The following ANO4 variants were observed in gnomAD, a reference collection of about 807,000 sequenced individuals.
ANO4 encodes anoctamin 4.
ANO4 carries 69 observed loss-of-function variants against 141.9 expected under a neutral mutation model. The observed-to-expected ratio is 0.49, with a 90% CI of 0.40 to 0.59. The LOEUF (loss-of-function observed/expected upper bound fraction) is 0.59, where lower values mean the gene tolerates loss of function less well. Among genes scored for constraint, ANO4 ranks in the 20% least tolerant of loss-of-function variants. The probability of loss-of-function intolerance (pLI) is 0.00; values close to 1 mark genes in which losing one functional copy is unlikely to be tolerated. For synonymous variants in ANO4, 350 were observed against 394.3 expected (o/e 0.89, Z 1.33); for missense variants, 894 against 1,162.2 (o/e 0.77, Z 3.36).
intron 2 of ANO4, among the ~76,000 whole-genome samples, chr12:100,903,750 C>T (rs2040706307): frequency 1.3e-5 from 2 of 152,162 alleles, no homozygotes; most frequent in African/African-American, 4.8e-5. Context: ...TAAGGCTTTT[C>T]AACTGACCTA....
In ANO4 at chr12:101,094,326, AC is replaced by A. The variant is rs1317083701; in HGVS notation, c.1738+35del. 2.6e-6 allele frequency: 4 copies of A among 1,567,488 alleles called. No homozygotes were observed. In the African/African-American group the frequency reaches 5.4e-5, roughly 21 times the overall value. The stretch of plus-strand genomic sequence containing the variant: ...AATCCTTTCTATTTCATAGAACTGT[AC>A]TGTGGGCTAGAGAGTATGGTTCAAA... On this transcript the variant is annotated intron_variant, in intron 18 of 27. Coordinates refer to ENST00000392977, the MANE Select transcript of ANO4 (RefSeq NM_001286615.2).
At chr12:100,880,707 G>A (rs2039523552) in intron 1 of ANO4, among the ~76,000 whole-genome samples, 1 of 152,172 alleles carries the variant, frequency 6.6e-6, no homozygotes, top group African/African-American at 2.4e-5. Flanking sequence ...AGGAGGGCAA[G>A]TTAAGGTCAC....
chr12:101,120,716 G>A, intron 26 of ANO4, 91 bp downstream of exon 26: 2 of 984,572 alleles, frequency 2.0e-6, no homozygotes, highest in Non-Finnish European at 3.2e-6. Context: ...GATTTTGAAT[G>A]TGATTATCTA....
At chr12:101,040,656 C>A (rs531110377) in intron 11 of ANO4, among the ~76,000 whole-genome samples, 1 of 152,070 alleles carries the variant, frequency 6.6e-6, no homozygotes, top group African/African-American at 2.4e-5. Flanking sequence ...GCAGAACATG[C>A]AGTTTTGTTA....
intron 14 of ANO4, among the ~76,000 whole-genome samples, chr12:101,074,109 G>T (rs2048932599): frequency 6.6e-6 from 1 of 152,124 alleles, no homozygotes; most frequent in Non-Finnish European, 1.5e-5. Context: ...GTGACCAGGT[G>T]ACTTCATCTC....
At position 100,884,789 on chromosome 12, in the gene ANO4, C is replaced by A. The variant is rs1003437356; in HGVS notation, c.-140-16857C>A. The stretch of plus-strand genomic sequence containing the variant: ...AGCTCACTGTAATCTCTGCCTCCCG[C>A]ATTCAAGCGATTCTCCCGCCTCAGC... On this transcript the variant is annotated intron_variant, in intron 1 of 27. Transcript: ENST00000392977. Among the ~76,000 whole-genome samples the A allele has an allele frequency of 2.6e-5, 4 of 152,160 alleles. No individual in the cohort carries two copies. In the East Asian group the frequency reaches 7.7e-4, roughly 29 times the overall value.
intron 8 of ANO4, among the ~76,000 whole-genome samples, chr12:101,008,716 G>T (rs1317651982): frequency 4.6e-5 from 7 of 151,888 alleles, no homozygotes; most frequent in African/African-American, 1.7e-4. Context: ...CTTACATTCT[G>T]CCAGTTATTT....
At chr12:100,927,981 T>C (rs888901917) in intron 3 of ANO4, among the ~76,000 whole-genome samples, 2 of 152,150 alleles carry the variant, frequency 1.3e-5, no homozygotes, top group African/African-American at 2.4e-5. Flanking sequence ...CACGTGTGTC[T>C]ACATAATCAT....
intron 1 of ANO4, among the ~76,000 whole-genome samples, chr12:100,723,362 G>T (rs1377202667): frequency 6.6e-6 from 1 of 152,128 alleles, no homozygotes; most frequent in East Asian, 1.9e-4. Context: ...TTAATGTATG[G>T]TGAGGGCCTG....
At chr12:100,743,519 G>A (rs1463612438) in intron 3 of ANO4, among the ~76,000 whole-genome samples, 1 of 151,816 alleles carries the variant, frequency 6.6e-6, no homozygotes, top group African/African-American at 2.4e-5. Flanking sequence ...AAAGTAATTA[G>A]AAACTTTACA....
At chr12:101,116,537 C>A (rs1266648493) in intron 24 of ANO4, 142 bp from the exon 25 acceptor site, 14 of 1,208,174 alleles carry the variant, frequency 1.2e-5, no homozygotes, top group Non-Finnish European at 1.7e-5. Flanking sequence ...CCAGCGTATC[C>A]CAACCTGAGT....
chr12:100,786,116 T>C lies in ANO4; in HGVS notation c.358+46011T>C, dbSNP rs1249274286. ...TAGCTAATCACTCCTGTAGCACTGA[T>C]ATTAGAGTTCATTCTTAATTTTCTG... On this transcript the variant is annotated intron_variant, in intron 3 of 29. Transcript: ENST00000644049. Among the ~76,000 whole-genome samples the C allele has an allele frequency of 2.0e-5, 3 of 152,156 alleles. 1 individual carries two copies. In the East Asian group the frequency reaches 5.8e-4, roughly 29 times the overall value.
At position 100,719,460 on chromosome 12, in the gene ANO4, C is replaced by T. The variant is rs141556543; in HGVS notation, c.22+1913C>T. On this transcript the variant is annotated intron_variant, in intron 1 of 29. Transcript: ENST00000644049. ...AGCTTGGTCCAGCCCTGGAACCCTC[C>T]GCAAATCTTCTCTTTGACAATTGAA... Among the ~76,000 whole-genome samples, 1,270 of 152,262 alleles carry T rather than the reference C, an allele frequency of 8.3e-3. 15 individuals carry two copies. Among genetic ancestry groups the T allele is most frequent in the South Asian group, 0.018 (88 of 4,824 alleles).
At chr12:101,066,987 TA>T in intron 14 of ANO4, 1 of 302,122 alleles carries the variant, frequency 3.3e-6, no homozygotes, top group Non-Finnish European at 6.0e-6. Context: ...CCCTAGAACT[TA>T]AAGTATAACA....
chr12:100,909,837 C>T (rs2041021180), intron 2 of ANO4, among the ~76,000 whole-genome samples: 1 of 152,130 alleles, frequency 6.6e-6, no homozygotes, highest in Admixed American at 6.5e-5. Flanking sequence ...TTCTCTGAAT[C>T]TTAGTTTCTA....
At chr12:101,104,058 A>G (rs1433456761) in intron 22 of ANO4, among the ~76,000 whole-genome samples, 1 of 151,846 alleles carries the variant, frequency 6.6e-6, no homozygotes, top group African/African-American at 2.4e-5. Context: ...TTAACTTTTT[A>G]TGTATCTAGG....
chr12:101,012,624 A>G (rs1235447171), intron 8 of ANO4, among the ~76,000 whole-genome samples: 1 of 152,172 alleles, frequency 6.6e-6, no homozygotes, highest in African/African-American at 2.4e-5. Context: ...ATGGGCAGGA[A>G]CCATGAAGGA....
At chr12:101,011,335 T>G (rs866457431) in intron 8 of ANO4, among the ~76,000 whole-genome samples, 4 of 150,704 alleles carry the variant, frequency 2.7e-5, no homozygotes, top group Non-Finnish European at 3.0e-5. Flanking sequence ...TTTTTTTTTT[T>G]GCAATCTACC....
At chr12:101,032,959 C>T (rs147404793) in intron 9 of ANO4, among the ~76,000 whole-genome samples, 1 of 150,754 alleles carries the variant, frequency 6.6e-6, no homozygotes, top group Non-Finnish European at 1.5e-5. Context: ...CCAGCCATCC[C>T]ATTACTGGGT....
Sources: gnomAD v4.1 joint callset for allele counts (sites outside exome capture counted in the v4.1 genomes callset) on GRCh38, gnomAD v4.1.1 for gene constraint, MANE v1.5 for transcripts, NCBI Gene and HGNC (gene_info 2026-07-23, HGNC 2026-07-21) for gene names.